Variants in ANKRD11 observed in about 807,000 individuals in gnomAD.
The protein encoded by ANKRD11 is ankyrin repeat domain 11, also known as ankyrin repeat domain-containing protein 11.
In ANKRD11, 17 loss-of-function variants were observed where a neutral mutation model predicts 195.7. The observed-to-expected ratio is 0.09, with a 90% CI of 0.06 to 0.13. ANKRD11 has a LOEUF of 0.13. Ranked by LOEUF, ANKRD11 falls within the 10% of genes least tolerant of loss-of-function variation. ANKRD11 has a pLI of 1.00. For missense variants in ANKRD11, 3,735 were observed against 3,566.1 expected (o/e 1.05, Z -1.21); for synonymous variants, 1,953 against 1,528.1 (o/e 1.28, Z -6.49).
intron 2 of ANKRD11, among the ~76,000 whole-genome samples, chr16:89,374,683 C>T (rs556065855): frequency 5.3e-5 from 8 of 152,144 alleles, no homozygotes; most frequent in African/African-American, 9.7e-5. Flanking sequence ...CAGAGAGCAT[C>T]GGGAAAAGCA....
chr16:89,284,966 G>A lies in ANKRD11; in HGVS notation c.1576C>T (p.His526Tyr), dbSNP rs1318137276. The change falls in exon 9 of 13, where the codon CAC becomes TAC. Residue 526 changes from histidine to tyrosine, a missense_variant. Transcript: ENST00000301030. ...TGCTTCTGGGCGGCAGAGCTCCCGT[G>A]AGACGAGGTGGAGGAGGCAGAGAGG... ...SSLSASSTSS[H>Y]GSSAAQKQNP... is the part of the protein sequence containing the mutation. The A allele has an allele frequency of 6.2e-7, 1 of 1,614,142 alleles. No homozygotes were observed. The highest frequency in any genetic ancestry group is 8.5e-7 in the Non-Finnish European group (1 of 1,180,008).
At chr16:89,351,554 G>A (rs933841953) in intron 2 of ANKRD11, among the ~76,000 whole-genome samples, 4 of 152,182 alleles carry the variant, frequency 2.6e-5, no homozygotes, top group African/African-American at 9.7e-5. Flanking sequence ...AGACTCTCGG[G>A]CAGGTCTGTA....
At chr16:89,414,702 CT>C (rs2042225025) in intron 2 of ANKRD11, among the ~76,000 whole-genome samples, 1 of 152,238 alleles carries the variant, frequency 6.6e-6, no homozygotes, top group African/African-American at 2.4e-5. Flanking sequence ...TCACACAAGG[CT>C]GTCGGGGACC....
At chr16:89,329,413 A>G (rs1256765893) in intron 2 of ANKRD11, among the ~76,000 whole-genome samples, 2 of 152,222 alleles carry the variant, frequency 1.3e-5, no homozygotes, top group East Asian at 1.9e-4. Flanking sequence ...AAAAAGGGAG[A>G]AAAAACACAA....
At chr16:89,278,160 C>T (rs1400717875) in intron 9 of ANKRD11, 1 of 285,474 alleles carries the variant, frequency 3.5e-6, no homozygotes, top group African/African-American at 2.2e-5. Context: ...AGCCAGAACG[C>T]CACACGCTGG....
intron 2 of ANKRD11, among the ~76,000 whole-genome samples, chr16:89,349,766 G>A (rs1265812757): frequency 6.6e-6 from 1 of 151,746 alleles, no homozygotes; most frequent in African/African-American, 2.4e-5. Context: ...AAGTACCCAA[G>A]ACAAAACTAT....
chr16:89,394,968 CCT>C (rs1376841370), intron 2 of ANKRD11, among the ~76,000 whole-genome samples: 2 of 152,182 alleles, frequency 1.3e-5, no homozygotes, highest in Non-Finnish European at 2.9e-5. Flanking sequence ...GAGAGAACCC[CCT>C]GTTAAAAAGA....
chr16:89,305,628 A>C (rs990511785), intron 3 of ANKRD11, among the ~76,000 whole-genome samples: 2 of 151,190 alleles, frequency 1.3e-5, no homozygotes, highest in Non-Finnish European at 2.9e-5. Context: ...AGCAGAGGAG[A>C]CACACACGCG....
chr16:89,380,493 A>T (rs2040597681), intron 2 of ANKRD11, among the ~76,000 whole-genome samples: 1 of 152,236 alleles, frequency 6.6e-6, no homozygotes, highest in Non-Finnish European at 1.5e-5. Flanking sequence ...GGGCTACTCC[A>T]GAGAACGACC....
chr16:89,419,704 G>A (rs1170834977), intron 1 of ANKRD11, among the ~76,000 whole-genome samples: 1 of 152,198 alleles, frequency 6.6e-6, no homozygotes, highest in East Asian at 1.9e-4. Flanking sequence ...CCCCGGCTCT[G>A]CACTTAGCAT....
At chr16:89,435,539 A>G (rs1401799105) in intron 1 of ANKRD11, among the ~76,000 whole-genome samples, 3 of 152,164 alleles carry the variant, frequency 2.0e-5, no homozygotes, top group African/African-American at 7.2e-5. Context: ...ACCCACCAGA[A>G]GGAAAACACT....
In ANKRD11 at chr16:89,384,879, C is replaced by CTTTT. The variant is rs869271846; in HGVS notation, c.-60+33401_-60+33404dup. Among the ~76,000 whole-genome samples the CTTTT allele has an allele frequency of 5.1e-3, 254 of 49,928 alleles. 30 individuals carry two copies. The highest frequency in any genetic ancestry group is 6.8e-3 in the Admixed American group (19 of 2,780). The allele number at this position is 49,928 out of a possible 152,430, so 32.8% of individuals were successfully genotyped here. On this transcript the variant is annotated intron_variant, in intron 2 of 12. Transcript: ENST00000301030. The stretch of plus-strand genomic sequence containing the variant: ...GGAGCACACAATGAGAAATAGTTTT[C>CTTTT]TTTTTTTTTTTTTTTTTTTTTTTTT...
intron 2 of ANKRD11, among the ~76,000 whole-genome samples, chr16:89,317,962 G>C (rs1398964954): frequency 6.6e-6 from 1 of 152,138 alleles, no homozygotes; most frequent in African/African-American, 2.4e-5. Context: ...AAGGAAACTA[G>C]AAAGTGTCCC....
At chr16:89,385,406 G>C (rs564194758) in intron 2 of ANKRD11, among the ~76,000 whole-genome samples, 3 of 152,286 alleles carry the variant, frequency 2.0e-5, no homozygotes, top group African/African-American at 7.2e-5. Flanking sequence ...TGGGATTACA[G>C]GCGTGAGCCA....
At chr16:89,339,882 C>G (rs983279618) in intron 2 of ANKRD11, 9 of 151,904 alleles carry the variant, frequency 5.9e-5, no homozygotes, top group Non-Finnish European at 1.2e-4. Context: ...TACACACAAG[C>G]CTACACCAAA....
chr16:89,278,405 C>G (rs979337128), intron 9 of ANKRD11: 1 of 407,370 alleles, frequency 2.5e-6, no homozygotes, highest in Non-Finnish European at 4.9e-6. Context: ...GAGCAGGGCC[C>G]CATTTGGAGG....
At chr16:89,451,083 T>C (rs1418617339) in intron 1 of ANKRD11, among the ~76,000 whole-genome samples, 1 of 152,300 alleles carries the variant, frequency 6.6e-6, no homozygotes, top group Admixed American at 6.5e-5. Flanking sequence ...CAAAGTTAAG[T>C]AGTTTCAACA....
At chr16:89,441,599 C>G (rs2043482042) in intron 1 of ANKRD11, among the ~76,000 whole-genome samples, 1 of 151,708 alleles carries the variant, frequency 6.6e-6, no homozygotes, top group Admixed American at 6.6e-5. Flanking sequence ...AACCCCACCT[C>G]TACTAAAAAT....
At chr16:89,316,258 C>T (rs1220550053) in intron 3 of ANKRD11, among the ~76,000 whole-genome samples, 3 of 152,192 alleles carry the variant, frequency 2.0e-5, no homozygotes, top group Non-Finnish European at 2.9e-5. Flanking sequence ...AAAGATAACA[C>T]ATGGCAAAGC....
Sources: allele counts gnomAD v4.1 joint callset (sites outside exome capture counted in the v4.1 genomes callset), GRCh38; gene constraint gnomAD v4.1.1; transcripts MANE v1.5; gene names NCBI Gene and HGNC (gene_info 2026-07-23, HGNC 2026-07-21).